Variants in TK2 observed in about 807,000 individuals in gnomAD.
TK2 encodes thymidine kinase 2, also known as thymidine kinase 2, mitochondrial.
Under a neutral mutation model 41.9 loss-of-function variants are expected in TK2, and 35 were observed. That is an observed-to-expected ratio of 0.84 (90% CI 0.64 to 1.11). TK2 has a LOEUF of 1.11. Among genes scored for constraint, TK2 ranks in the 50% least tolerant of loss-of-function variants. TK2 has a pLI of 0.00. For missense variants in TK2, 320 were observed against 351.1 expected (o/e 0.91, Z 0.71); for synonymous variants, 128 against 129.1 (o/e 0.99, Z 0.06).
chr16:66,536,888 G>C (rs937000115), intron 4 of TK2, 76 bp downstream of exon 4: 13 of 1,544,456 alleles, frequency 8.4e-6, no homozygotes, highest in Admixed American at 1.7e-5. Flanking sequence ...GGGCAGGCAG[G>C]GCTCAGGCAG....
chr16:66,508,898 G>GTTTCA lies in TK2; in HGVS notation c.*3065_*3069dup, dbSNP rs1964368387. On this transcript the variant is annotated 3_prime_UTR_variant, in exon 10 of 10. Transcript: ENST00000544898. The stretch of plus-strand genomic sequence containing the variant: ...ATGTTATTGGAACAAGGATGAGGTG[G>GTTTCA]TTTCATTCCTCACAGAGTTAGGCCT... The GTTTCA allele has an allele frequency of 6.6e-6, 1 of 152,258 alleles. No individual in the cohort carries two copies. Among genetic ancestry groups the GTTTCA allele is most frequent in the Non-Finnish European group, 1.5e-5 (1 of 68,042 alleles). The allele number at this position is 152,258 out of a possible 1,614,324, so 9.4% of individuals were successfully genotyped here.
chr16:66,513,565 C>T (rs1172937747), intron 9 of TK2, among the ~76,000 whole-genome samples, 166 bp downstream of exon 9: 1 of 152,164 alleles, frequency 6.6e-6, no homozygotes, highest in Non-Finnish European at 1.5e-5. Flanking sequence ...AGACTCAGCC[C>T]AGAAACAGGC....
chr16:66,548,637 A>T (rs1293826772), intron 2 of TK2: 1 of 311,288 alleles, frequency 3.2e-6, no homozygotes, highest in African/African-American at 2.2e-5. Context: ...CTTCCCTCAC[A>T]TCTGAGCTGC....
intron 3 of TK2, among the ~76,000 whole-genome samples, chr16:66,539,922 G>A (rs998140936): frequency 2.0e-5 from 3 of 152,142 alleles, no homozygotes; most frequent in African/African-American, 7.2e-5. Context: ...CATACTGTTT[G>A]CAGAAACAAT....
At chr16:66,521,536 G>C (rs1038516180) in intron 6 of TK2, among the ~76,000 whole-genome samples, 3 of 152,236 alleles carry the variant, frequency 2.0e-5, no homozygotes, top group Non-Finnish European at 4.4e-5. Flanking sequence ...AGAACCATGT[G>C]CCAGAAGAGG....
At chr16:66,548,833 G>T in intron 2 of TK2, 145 bp downstream of exon 2, 1 of 783,906 alleles carries the variant, frequency 1.3e-6, no homozygotes, top group Non-Finnish European at 2.2e-6. Flanking sequence ...TTCTAGGAGG[G>T]TGACAGACTT....
Position 66,533,275 on chromosome 16 carries a change from G to A in TK2, c.286-1806C>T, listed in dbSNP as rs369430556. ...TTTAGTAGAGACGGGGTTTCACCAT[G>A]CTGGCCAGGCAGATCATGCCACTGT... is the stretch of plus-strand genomic sequence containing the variant. On this transcript the variant is annotated intron_variant, in intron 4 of 9. Coordinates refer to ENST00000544898, the MANE Select transcript of TK2 (RefSeq NM_004614.5). 7.7e-5 allele frequency among the ~76,000 whole-genome samples: 11 copies of A among 142,564 alleles called. No individual in the cohort carries two copies. The East Asian group carries it at 1.6e-3, about 21-fold the overall frequency. 93.5% of individuals were successfully genotyped at this position (142,564 alleles called of 152,430 possible). A position where few individuals can be genotyped will look rare whatever the true frequency, so the allele number is the denominator to read the frequency against.
In TK2 at chr16:66,508,053, T is replaced by C. The variant is rs1015455314; in HGVS notation, c.*3915A>G. On this transcript the variant is annotated 3_prime_UTR_variant, in exon 10 of 10. Coordinates refer to ENST00000544898, the MANE Select transcript of TK2 (RefSeq NM_004614.5). ...ACTCTCTTATGTATGCATCTTTAGA[T>C]TGTTACCAATATTTTGTAATGATTA... 3.9e-5 allele frequency: 6 copies of C among 152,350 alleles called. No individual in the cohort carries two copies. The highest frequency in any genetic ancestry group is 2.9e-5 in the Non-Finnish European group (2 of 68,038). The allele number at this position is 152,350 out of a possible 1,614,324, so 9.4% of individuals were successfully genotyped here. A position where few individuals can be genotyped will look rare whatever the true frequency, so the allele number is the denominator to read the frequency against.
chr16:66,536,938 G>A, intron 4 of TK2, 26 bp downstream of exon 4: 3 of 1,613,986 alleles, frequency 1.9e-6, no homozygotes, highest in Non-Finnish European at 8.5e-7. Context: ...GAAGCCGGGG[G>A]TTCATGCAAC....
At chr16:66,543,781 A>G (rs1156642381) in intron 2 of TK2, among the ~76,000 whole-genome samples, 3 of 152,174 alleles carry the variant, frequency 2.0e-5, no homozygotes, top group South Asian at 2.1e-4. Flanking sequence ...CCCAGCAACT[A>G]GAACTCTGTC....
rs1597067706 is a variant in TK2, at chr16:66,508,543, C to T, written c.*3425G>A. 1 of 152,278 alleles carries T rather than the reference C, an allele frequency of 6.6e-6. No individual in the cohort carries two copies. The highest frequency in any genetic ancestry group is 1.5e-5 in the Non-Finnish European group (1 of 68,058). 9.4% of individuals were successfully genotyped at this position (152,278 alleles called of 1,614,324 possible). On this transcript the variant is annotated 3_prime_UTR_variant, in exon 10 of 10. Coordinates refer to ENST00000544898, the MANE Select transcript of TK2 (RefSeq NM_004614.5). ...AGATGGGTGTTCCTCATTCCACACA[C>T]ATGTGAACACTTGAGGGAGCTCCCC... is the stretch of plus-strand genomic sequence containing the variant.
intron 6 of TK2, among the ~76,000 whole-genome samples, chr16:66,526,775 C>G (rs1964944719): frequency 6.6e-6 from 1 of 152,128 alleles, no homozygotes; most frequent in South Asian, 2.1e-4. Flanking sequence ...GCAACAAGAG[C>G]CACTGACCCC....
chr16:66,539,213 C>T lies in TK2; in HGVS notation c.232-2196G>A, dbSNP rs964240080. Reference sequence around the variant, plus strand: ...AAGAGTCCCCAAGCCCCCCCTCCTCCCCAGGTTTGATGATTCATGAGAACT... The same window carrying T: ...AAGAGTCCCCAAGCCCCCCCTCCTCTCCAGGTTTGATGATTCATGAGAACT... On this transcript the variant is annotated intron_variant, in intron 3 of 9. Transcript: ENST00000544898. Among the ~76,000 whole-genome samples the T allele has an allele frequency of 5.9e-5, 9 of 152,244 alleles. No individual in the cohort carries two copies. In the South Asian group the frequency reaches 1.7e-3, roughly 28 times the overall value.
At chr16:66,538,362 C>T (rs1202063181) in intron 3 of TK2, among the ~76,000 whole-genome samples, 1 of 152,080 alleles carries the variant, frequency 6.6e-6, no homozygotes, top group Non-Finnish European at 1.5e-5. Context: ...TGCCCTTCCC[C>T]TGCCCCTCTC....
rs1481213661 is a variant in TK2 at position 66,517,498 on chromosome 16, C to T, written c.539-283G>A. ...CAGTGAATGTTCAGGCTCTGTCCTTCCTGTTCCTTTGCAAACTAGAAAAAC... is the reference window on the plus strand; with the variant it reads ...CAGTGAATGTTCAGGCTCTGTCCTTTCTGTTCCTTTGCAAACTAGAAAAAC... On this transcript the variant is annotated intron_variant, in intron 7 of 9. Transcript: ENST00000544898. This position sits in a 1 kb window ranked among gnomAD's most constrained non-coding sequence, Gnocchi z 4.3. Among the ~76,000 whole-genome samples, 1 of 152,214 alleles carries T rather than the reference C, an allele frequency of 6.6e-6. No individual in the cohort carries two copies. Among genetic ancestry groups the T allele is most frequent in the African/African-American group, 2.4e-5 (1 of 41,442 alleles).
rs1356115723 is a variant in TK2 at position 66,517,923 on chromosome 16, TG to T, written c.450-47del. 2 of 1,528,104 alleles carry T rather than the reference TG, an allele frequency of 1.3e-6. No individual in the cohort carries two copies. Among genetic ancestry groups the T allele is most frequent in the South Asian group, 2.2e-5 (2 of 89,288 alleles). 94.7% of individuals were successfully genotyped at this position (1,528,104 alleles called of 1,614,324 possible). On this transcript the variant is annotated intron_variant, in intron 6 of 9. Coordinates refer to ENST00000544898, the MANE Select transcript of TK2 (RefSeq NM_004614.5). This position sits in a 1 kb window ranked among gnomAD's most constrained non-coding sequence, Gnocchi z 4.3. ...GCTTATTCACCTAAGAGAAAACTTC[TG>T]GGCTATGCAATTCCCCCAAAAGGAT...
At chr16:66,540,736 C>A (rs1234349827) in intron 3 of TK2, among the ~76,000 whole-genome samples, 1 of 152,160 alleles carries the variant, frequency 6.6e-6, no homozygotes, top group Non-Finnish European at 1.5e-5. Context: ...TAGTAATACC[C>A]ACTGCTCAGA....
At chr16:66,547,509 C>G (rs921288436) in intron 2 of TK2, among the ~76,000 whole-genome samples, 3 of 152,150 alleles carry the variant, frequency 2.0e-5, no homozygotes, top group African/African-American at 7.2e-5. Context: ...TCTTCTGTGA[C>G]TTGTACCTGT....
chr16:66,517,749 G>A lies in TK2; in HGVS notation c.538+40C>T, dbSNP rs189322402. On this transcript the variant is annotated intron_variant, in intron 7 of 9. Coordinates refer to ENST00000544898, the MANE Select transcript of TK2 (RefSeq NM_004614.5). This position sits in a 1 kb window ranked among gnomAD's most constrained non-coding sequence, Gnocchi z 4.3. ...CCAAGCACATCCTCAAGGGACCCAG[G>A]AGAGAGACAAGAGAGGGAGGTGGGA... The A allele has an allele frequency of 4.4e-6, 7 of 1,596,166 alleles. No individual in the cohort carries two copies. The East Asian group carries it at 1.3e-4, about 31-fold the overall frequency.
Sources: gnomAD v4.1 joint callset for allele counts (sites outside exome capture counted in the v4.1 genomes callset) on GRCh38, gnomAD v4.1.1 for gene constraint, Gnocchi (gnomAD v3.1) non-coding constraint, MANE v1.5 for transcripts, NCBI Gene and HGNC (gene_info 2026-07-23, HGNC 2026-07-21) for gene names.